Variants in GPHN observed in about 807,000 individuals in gnomAD.
The protein encoded by GPHN is gephyrin.
GPHN carries 17 observed loss-of-function variants against 95.5 expected under a neutral mutation model. That is an observed-to-expected ratio of 0.18 (90% CI 0.12 to 0.27). GPHN has a LOEUF of 0.27. Among genes scored for constraint, GPHN ranks in the 10% least tolerant of loss-of-function variants. The pLI is 1.00. For synonymous variants in GPHN, 320 were observed against 322.5 expected (o/e 0.99, Z 0.08); for missense variants, 660 against 978.1 (o/e 0.67, Z 4.34).
At chr14:66,771,423 T>G (rs138258970) in intron 2 of GPHN, among the ~76,000 whole-genome samples, 1 of 152,198 alleles carries the variant, frequency 6.6e-6, no homozygotes, top group Non-Finnish European at 1.5e-5. Flanking sequence ...TAACAAGACA[T>G]TCTTGAAGAA....
chr14:67,202,997 C>T, the GPHN span: 23 of 1,288,096 alleles, frequency 1.8e-5, no homozygotes, highest in Non-Finnish European at 2.5e-5. Flanking sequence ...TTCATTCCTC[C>T]TTTATTTCCT....
intron 9 of GPHN, among the ~76,000 whole-genome samples, chr14:67,003,738 A>G (rs2072406470): frequency 6.6e-6 from 1 of 151,756 alleles, no homozygotes; most frequent in South Asian, 2.1e-4. Flanking sequence ...TATTAGTCCT[A>G]GATTACTTCT....
chr14:66,697,511 T>C (rs578246548), intron 2 of GPHN, among the ~76,000 whole-genome samples: 3 of 152,274 alleles, frequency 2.0e-5, no homozygotes, highest in Admixed American at 2.0e-4. Flanking sequence ...AAGAACAAAT[T>C]AGATTGGAGA....
At chr14:67,508,711 G>A in the GPHN span, among the ~76,000 whole-genome samples, 77 of 140,316 alleles carry the variant, frequency 5.5e-4, 1 homozygote, top group East Asian at 0.012. Flanking sequence ...CTGGGATTGT[G>A]CCACTGCACT....
the GPHN span, among the ~76,000 whole-genome samples, chr14:67,465,621 A>G: frequency 6.6e-6 from 1 of 152,134 alleles, no homozygotes; most frequent in Non-Finnish European, 1.5e-5. Context: ...CTCCTCATGG[A>G]ATTCCTAAGT....
chr14:67,046,171 T>C (rs1308768768), intron 10 of GPHN, among the ~76,000 whole-genome samples: 4 of 151,960 alleles, frequency 2.6e-5, no homozygotes, highest in African/African-American at 4.8e-5. Flanking sequence ...TTAAAATATG[T>C]TACTGTTCTA....
chr14:67,543,491 G>A, the GPHN span, among the ~76,000 whole-genome samples: 3 of 152,230 alleles, frequency 2.0e-5, no homozygotes, highest in Admixed American at 1.3e-4. Context: ...GGTCAGAACC[G>A]TTTGGCCAGA....
At chr14:67,556,642 A>T in the GPHN span, among the ~76,000 whole-genome samples, 1 of 152,194 alleles carries the variant, frequency 6.6e-6, no homozygotes, top group Admixed American at 6.5e-5. Context: ...GGTCCCAGCT[A>T]CTTGGGAGGC....
At chr14:67,050,816 A>AC (rs1039060153) in intron 10 of GPHN, among the ~76,000 whole-genome samples, 2 of 151,460 alleles carry the variant, frequency 1.3e-5, no homozygotes, top group Admixed American at 1.3e-4. Flanking sequence ...AGTTGGTGCA[A>AC]CCCATGGTAA....
At chr14:67,120,664 A>C (rs1199553634) in intron 16 of GPHN, among the ~76,000 whole-genome samples, 1 of 152,224 alleles carries the variant, frequency 6.6e-6, no homozygotes, top group Admixed American at 6.5e-5. Flanking sequence ...TAAAGCAACT[A>C]GTTTGATTAA....
intron 16 of GPHN, among the ~76,000 whole-genome samples, chr14:67,113,883 G>C (rs2078521160): frequency 6.6e-6 from 1 of 152,144 alleles, no homozygotes; most frequent in Admixed American, 6.5e-5. Context: ...GAATCTGCTG[G>C]AAACTCAAAA....
the GPHN span, among the ~76,000 whole-genome samples, chr14:67,433,625 A>G: frequency 2.0e-5 from 3 of 152,220 alleles, no homozygotes; most frequent in Non-Finnish European, 4.4e-5. Flanking sequence ...AATGGACAAA[A>G]TATCAAAAAA....
chr14:66,980,448 G>A (rs904839322), intron 9 of GPHN, among the ~76,000 whole-genome samples: 2 of 151,750 alleles, frequency 1.3e-5, no homozygotes, highest in Admixed American at 6.6e-5. Context: ...GCTGCCTAAA[G>A]GTTATTTATT....
chr14:66,781,311 G>A (rs2059597065), intron 3 of GPHN, among the ~76,000 whole-genome samples: 1 of 151,394 alleles, frequency 6.6e-6, no homozygotes, highest in African/African-American at 2.4e-5. Flanking sequence ...CTACCTCCCC[G>A]GTTCAAGCAA....
the GPHN span, among the ~76,000 whole-genome samples, chr14:67,694,439 TATATATATATATACACACACACACAC>T: frequency 7.2e-6 from 1 of 138,276 alleles, no homozygotes; most frequent in Middle Eastern, 3.6e-3. Context: ...GGAATATATA[TATATATATATATACACACACACACAC>T]ATATATATAT....
At chr14:66,833,688 G>A (rs977400931) in intron 4 of GPHN, among the ~76,000 whole-genome samples, 51 of 149,742 alleles carry the variant, frequency 3.4e-4, no homozygotes, top group Non-Finnish European at 6.1e-4. Flanking sequence ...AAGTTCTGAT[G>A]TAATCTGCAA....
the GPHN span, among the ~76,000 whole-genome samples, chr14:67,331,468 G>A: frequency 6.6e-6 from 1 of 152,052 alleles, no homozygotes; most frequent in Non-Finnish European, 1.5e-5. Context: ...TAACCAACCG[G>A]TTATCTAGTT....
At chr14:66,765,150 C>T (rs1353637228) in intron 2 of GPHN, among the ~76,000 whole-genome samples, 1 of 152,064 alleles carries the variant, frequency 6.6e-6, no homozygotes, top group Non-Finnish European at 1.5e-5. Context: ...GAGAGGGTAT[C>T]TCAAGTCAAA....
chr14:67,405,224 C>CAAAAAAAAAAAAA, the GPHN span, among the ~76,000 whole-genome samples: 2 of 40,482 alleles, frequency 4.9e-5, no homozygotes, highest in Non-Finnish European at 1.1e-4. Context: ...GAGTCCATCT[C>CAAAAAAAAAAAAA]AAAAAAAAAA....
Sources: allele counts gnomAD v4.1 joint callset (sites outside exome capture counted in the v4.1 genomes callset), GRCh38; gene constraint gnomAD v4.1.1; transcripts MANE v1.5; gene names NCBI Gene and HGNC (gene_info 2026-07-23, HGNC 2026-07-21).